The following DDHD1 variants were observed in gnomAD, a reference collection of about 807,000 sequenced individuals.
DDHD1 encodes the protein phospholipase DDHD1.
A neutral mutation model predicts 96.4 loss-of-function variants in DDHD1; 49 were observed. The ratio of observed to expected loss-of-function variants is 0.51; its 90% CI spans 0.40 to 0.64. DDHD1 has a LOEUF of 0.64. Among genes scored for constraint, DDHD1 ranks in the 30% least tolerant of loss-of-function variants. The pLI is 0.00. For missense variants in DDHD1, 1,106 were observed against 1,161.2 expected, an observed-to-expected ratio of 0.95 and a Z score of 0.69; for synonymous variants, 442 against 446.5, an observed-to-expected ratio of 0.99 and a Z score of 0.13.
At chr14:53,136,234 G>T (rs1321992083) in intron 1 of DDHD1, among the ~76,000 whole-genome samples, 1 of 151,880 alleles carries the variant, frequency 6.6e-6, no homozygotes, top group African/African-American at 2.4e-5. Context: ...CTCTCTTTTC[G>T]GACTCAGCCC....
chr14:53,049,739 T>C (rs1405857951), intron 12 of DDHD1, among the ~76,000 whole-genome samples: 4 of 150,950 alleles, frequency 2.6e-5, no homozygotes, highest in Admixed American at 1.3e-4. Flanking sequence ...AATTTCTCTA[T>C]CCATAAAAAA....
chr14:53,109,612 C>T (rs1887959155), intron 1 of DDHD1, among the ~76,000 whole-genome samples: 1 of 151,954 alleles, frequency 6.6e-6, no homozygotes, highest in Non-Finnish European at 1.5e-5. Flanking sequence ...TGTGTGGAGT[C>T]CTTTTGTTCT....
Position 53,153,028 on chromosome 14 carries a change from C to CA in DDHD1, c.70dup (p.Trp24LeufsTer63). On this transcript the variant is annotated frameshift_variant, in exon 1 of 13. Coordinates refer to ENST00000673822, the MANE Select transcript of DDHD1 (RefSeq NM_001160148.2). LOFTEE classifies it high-confidence loss of function. ...TGGCCTCGCGTCTGAGCCCAGCTCCCAGGCGCCGCCGCCGCCGCCTCGGCC... is the reference window on the plus strand; with the variant it reads ...TGGCCTCGCGTCTGAGCCCAGCTCCCAAGGCGCCGCCGCCGCCGCCTCGGCC... The CA allele has an allele frequency of 1.3e-6, 2 of 1,501,410 alleles. No individual in the cohort carries two copies. The highest frequency in any genetic ancestry group is 1.8e-6 in the Non-Finnish European group (2 of 1,130,652). 93.0% of individuals were successfully genotyped at this position (1,501,410 alleles called of 1,614,324 possible).
At chr14:53,107,844 C>T (rs1887811239) in intron 1 of DDHD1, among the ~76,000 whole-genome samples, 1 of 152,086 alleles carries the variant, frequency 6.6e-6, no homozygotes, top group Admixed American at 6.5e-5. Context: ...ACGGGGCTTG[C>T]AACTTAGCTC....
At chr14:53,055,990 T>A in intron 9 of DDHD1, 78 bp from the exon 10 acceptor site, 1 of 1,208,266 alleles carries the variant, frequency 8.3e-7, no homozygotes, top group Non-Finnish European at 1.2e-6. Context: ...GTTCTTACTC[T>A]ACTGCATGTT....
At chr14:53,088,572 T>C (rs1340623200) in intron 4 of DDHD1, among the ~76,000 whole-genome samples, 2 of 152,110 alleles carry the variant, frequency 1.3e-5, no homozygotes, top group Non-Finnish European at 2.9e-5. Context: ...ACAAAAACCA[T>C]GTAATTATCT....
chr14:53,127,653 T>C (rs912700858), intron 1 of DDHD1, among the ~76,000 whole-genome samples: 1 of 152,178 alleles, frequency 6.6e-6, no homozygotes, highest in Non-Finnish European at 1.5e-5. Context: ...AAAAACCTTA[T>C]GCCATGACAG....
intron 6 of DDHD1, among the ~76,000 whole-genome samples, chr14:53,065,843 A>G (rs1883968051): frequency 1.3e-5 from 2 of 152,184 alleles, no homozygotes; most frequent in Non-Finnish European, 2.9e-5. Context: ...TACAAAGTTC[A>G]TTACAGTCAA....
At chr14:53,067,601 G>T (rs938841972) in intron 6 of DDHD1, among the ~76,000 whole-genome samples, 1 of 152,038 alleles carries the variant, frequency 6.6e-6, no homozygotes, top group Non-Finnish European at 1.5e-5. Flanking sequence ...GGGATTATAG[G>T]CGTGTGCCAC....
intron 11 of DDHD1, 32 bp from the exon 12 acceptor site, chr14:53,051,959 G>T (rs1264682050): frequency 5.2e-6 from 8 of 1,526,366 alleles, no homozygotes; most frequent in South Asian, 1.2e-5. Flanking sequence ...TGCTGTAAAG[G>T]GTTGGCTGAT....
chr14:53,134,317 C>T (rs557108883), intron 1 of DDHD1, among the ~76,000 whole-genome samples: 8 of 152,176 alleles, frequency 5.3e-5, no homozygotes, highest in Non-Finnish European at 1.0e-4. Context: ...TATCCCCAAT[C>T]AGCCACTCTT....
chr14:53,081,383 A>G (rs1885456494), intron 4 of DDHD1, among the ~76,000 whole-genome samples: 1 of 152,222 alleles, frequency 6.6e-6, no homozygotes, highest in Non-Finnish European at 1.5e-5. Context: ...ATGGCTGTGT[A>G]GTTCTTATGT....
chr14:53,147,749 A>G (rs1891095616), intron 1 of DDHD1, among the ~76,000 whole-genome samples: 1 of 152,294 alleles, frequency 6.6e-6, no homozygotes, highest in Admixed American at 6.5e-5. Context: ...AGTCCAGGCT[A>G]GTGGGAAATA....
chr14:53,082,934 G>C (rs55775601), intron 4 of DDHD1, among the ~76,000 whole-genome samples: 5,570 of 152,066 alleles, frequency 0.037, 354 homozygotes, highest in African/African-American at 0.13. Context: ...GAAGTCTATA[G>C]CATGCACCTT....
rs147569085 is a variant in DDHD1, at chr14:53,103,813, G to A, written c.882C>T (p.Asp294=). 298 of 1,611,446 alleles carry A rather than the reference G, an allele frequency of 1.8e-4. 1 individual carries two copies. In the African/African-American group the frequency reaches 2.6e-3, roughly 14 times the overall value. ...CCTCTTCTAGAGGCTGCCAAGTGCC[G>A]TCAATAAACCACTGTCCACGCATTA... ...IPVMRGQWFI[D]GTWQPLEEEE... Residue 294 remains aspartate (D), a synonymous_variant, in exon 2 of 13, where the codon GAC becomes GAT. Coordinates refer to ENST00000673822, the MANE Select transcript of DDHD1 (RefSeq NM_001160148.2).
At chr14:53,063,288 A>G (rs1416104202) in intron 6 of DDHD1, 83 bp from the exon 7 acceptor site, 1 of 1,443,724 alleles carries the variant, frequency 6.9e-7, no homozygotes, top group Non-Finnish European at 9.3e-7. Context: ...ACATTAAGGT[A>G]GAAAAACATA....
chr14:53,109,080 G>A (rs1257230058), intron 1 of DDHD1, among the ~76,000 whole-genome samples: 2 of 152,148 alleles, frequency 1.3e-5, no homozygotes, highest in Non-Finnish European at 2.9e-5. Flanking sequence ...ATAATGGACG[G>A]TGTTACGGTG....
intron 4 of DDHD1, among the ~76,000 whole-genome samples, chr14:53,080,016 A>T (rs1885321440): frequency 6.6e-6 from 1 of 152,200 alleles, no homozygotes; most frequent in South Asian, 2.1e-4. Context: ...CTGGCCAAAA[A>T]AAGCATGTTG....
chr14:53,052,339 A>G (rs987921470), intron 11 of DDHD1, among the ~76,000 whole-genome samples: 7 of 152,084 alleles, frequency 4.6e-5, no homozygotes, highest in Non-Finnish European at 5.9e-5. Flanking sequence ...CACATAAAGA[A>G]ACAGACAGAT....
Sources: gnomAD v4.1 joint callset for allele counts (sites outside exome capture counted in the v4.1 genomes callset) on GRCh38, gnomAD v4.1.1 for gene constraint, MANE v1.5 for transcripts, NCBI Gene and HGNC (gene_info 2026-07-23, HGNC 2026-07-21) for gene names.